Variants in FGF13 observed in about 807,000 individuals in gnomAD.
The protein encoded by FGF13 is fibroblast growth factor homologous factor 2.
In FGF13, 2 loss-of-function variants were observed where a neutral mutation model predicts 19.5. The ratio of observed to expected loss-of-function variants is 0.10; its 90% confidence interval spans 0.04 to 0.32. The LOEUF is 0.32. FGF13 is among the 10% of genes least tolerant of loss of function. The pLI is 1.00. For synonymous variants in FGF13, 72 were observed against 76.9 expected, an observed-to-expected ratio of 0.94 and a Z score of 0.33; for missense variants, 113 against 192.7, an observed-to-expected ratio of 0.59 and a Z score of 2.45.
intron 1 of FGF13, among the ~76,000 whole-genome samples, chrX:139,137,152 G>A (rs765510062): frequency 2.5e-4 from 28 of 112,051 alleles, no homozygotes; most frequent in Non-Finnish European, 4.1e-4. Context: ...AGCTCAGAGA[G>A]GCTAAACAAC....
At chrX:139,129,154 T>TACACACAC (rs753541740) in intron 1 of FGF13, among the ~76,000 whole-genome samples, 1 of 93,062 alleles carries the variant, frequency 1.1e-5, no homozygotes, top group African/African-American at 4.1e-5. Flanking sequence ...CATACACACA[T>TACACACAC]ACACACACAC....
At chrX:139,108,867 T>C (rs1394456191) in intron 1 of FGF13, among the ~76,000 whole-genome samples, 6 of 87,356 alleles carry the variant, frequency 6.9e-5, no homozygotes, top group Middle Eastern at 0.011. Flanking sequence ...GGCCCCAGTG[T>C]GTGTTGTTCC....
chrX:139,100,820 C>T (rs1000518995), intron 1 of FGF13, among the ~76,000 whole-genome samples: 3 of 110,980 alleles, frequency 2.7e-5, no homozygotes, highest in Admixed American at 1.9e-4. Context: ...ACAGGGAAAG[C>T]GGGATCACTA....
chrX:139,064,823 T>A (rs757968296), intron 1 of FGF13, among the ~76,000 whole-genome samples: 65 of 111,809 alleles, frequency 5.8e-4, no homozygotes, highest in African/African-American at 2.0e-3. Context: ...AATGTAGATT[T>A]GGTCTTTTCA....
At chrX:138,773,491 A>G (rs1046008164) in intron 3 of FGF13, among the ~76,000 whole-genome samples, 13 of 112,352 alleles carry the variant, frequency 1.2e-4, no homozygotes, top group Admixed American at 7.5e-4. Context: ...ACTACAGCCC[A>G]TCATGATCCC....
chrX:138,972,651 C>T (rs759559552), intron 1 of FGF13, among the ~76,000 whole-genome samples: 3 of 111,168 alleles, frequency 2.7e-5, no homozygotes, highest in African/African-American at 6.5e-5. Context: ...GCCACCGTGC[C>T]GGGCCCTCAC....
intron 1 of FGF13, among the ~76,000 whole-genome samples, chrX:139,087,190 G>A (rs971665213): frequency 9.0e-6 from 1 of 110,997 alleles, no homozygotes; most frequent in Middle Eastern, 4.7e-3. Context: ...CAGCTACTTG[G>A]GAAGCTGAGG....
intron 3 of FGF13, among the ~76,000 whole-genome samples, chrX:138,748,986 GC>G (rs1195036354): frequency 9.0e-6 from 1 of 111,603 alleles, no homozygotes; most frequent in Non-Finnish European, 1.9e-5. Flanking sequence ...TCTGTGCTTG[GC>G]TATAGGAGGT....
rs143397374 is a variant in FGF13, at chrX:139,121,775, C to G, written c.-113+81641G>C. ...GAAGAAAGGGGTTTAGTATACTACT[C>G]AAAGGTCCCTAGAAGCAGGAGGCAC... On this transcript the variant is annotated intron_variant, in intron 1 of 2. Transcript: ENST00000421460. Among the ~76,000 whole-genome samples, 976 of 110,692 alleles carry G rather than the reference C, an allele frequency of 8.8e-3. 14 individuals carry two copies. The highest frequency in any genetic ancestry group is 0.03 in the African/African-American group (914 of 30,362).
intron 1 of FGF13, among the ~76,000 whole-genome samples, chrX:139,045,472 A>G (rs2092284425): frequency 8.9e-6 from 1 of 112,407 alleles, no homozygotes; most frequent in Non-Finnish European, 1.9e-5. Context: ...CTCCCTAAAG[A>G]GCTTTTTCTT....
chrX:139,097,167 CT>C (rs750932639), intron 1 of FGF13, among the ~76,000 whole-genome samples: 18 of 112,262 alleles, frequency 1.6e-4, no homozygotes, highest in Admixed American at 3.8e-4. Context: ...TTAAGTTTCA[CT>C]TTAAAAGTTC....
chrX:138,925,641 G>A (rs2091669168), intron 1 of FGF13, among the ~76,000 whole-genome samples: 1 of 111,225 alleles, frequency 9.0e-6, no homozygotes, highest in Non-Finnish European at 1.9e-5. Context: ...CCCCAAAAGG[G>A]ATGAGTAACA....
In FGF13 at chrX:138,896,674, G is replaced by A. The variant is rs1193777096; in HGVS notation, c.-112-32024C>T. The stretch of plus-strand genomic sequence containing the variant: ...GAATCTTGGCTGTGCTTTTAGCTAT[G>A]TTAACTTAAGCAGGATGTCTAACTT... On this transcript the variant is annotated intron_variant, in intron 1 of 2. Transcript: ENST00000421460. Among the ~76,000 whole-genome samples, 4 of 112,044 alleles carry A rather than the reference G, an allele frequency of 3.6e-5. No individual in the cohort carries two copies. In the Admixed American group the frequency reaches 3.8e-4, roughly 11 times the overall value.
At chrX:139,026,611 C>T (rs749684298) in intron 1 of FGF13, among the ~76,000 whole-genome samples, 159 of 111,629 alleles carry the variant, frequency 1.4e-3, no homozygotes, top group African/African-American at 4.9e-3. Context: ...CAAATCATGC[C>T]GGGACAGTCC....
chrX:139,037,286 T>C (rs879126092), intron 1 of FGF13, among the ~76,000 whole-genome samples: 1 of 111,429 alleles, frequency 9.0e-6, no homozygotes, highest in African/African-American at 3.3e-5. Context: ...TCTCTCTCCA[T>C]ATACTAAAGA....
upstream of FGF13, among the ~76,000 whole-genome samples, chrX:139,203,849 C>G (rs973180159): frequency 7.2e-5 from 8 of 111,608 alleles, no homozygotes; most frequent in African/African-American, 2.6e-4. Flanking sequence ...ACTCGAGGGT[C>G]GACAATTCCG....
intron 1 of FGF13, among the ~76,000 whole-genome samples, chrX:139,048,136 C>T (rs1206301927): frequency 9.0e-6 from 1 of 111,257 alleles, no homozygotes; most frequent in South Asian, 3.7e-4. Context: ...TTCTTTTTTA[C>T]ATTACTTTTA....
chrX:139,149,941 ACACACC>A (rs1335972961), intron 1 of FGF13, among the ~76,000 whole-genome samples: 4 of 111,906 alleles, frequency 3.6e-5, no homozygotes, highest in Non-Finnish European at 7.5e-5. Context: ...GCACAATTGC[ACACACC>A]CACACCCACA....
intron 3 of FGF13, among the ~76,000 whole-genome samples, chrX:138,669,261 C>A (rs762559509): frequency 1.8e-5 from 2 of 110,650 alleles, no homozygotes; most frequent in Non-Finnish European, 3.8e-5. Flanking sequence ...AGAAGAGGAA[C>A]TTTTCTTTTG....
Sources: gnomAD v4.1 joint callset for allele counts (sites outside exome capture counted in the v4.1 genomes callset) on GRCh38, gnomAD v4.1.1 for gene constraint, MANE v1.5 for transcripts, NCBI Gene and HGNC (gene_info 2026-07-23, HGNC 2026-07-21) for gene names.